ATP10A: variants seen among roughly 807,000 people sequenced by gnomAD.
ATP10A encodes the protein ATPase phospholipid transporting 10A (putative).
A neutral mutation model predicts 147.8 loss-of-function variants in ATP10A; 111 were observed. That is an observed-to-expected ratio of 0.75 (90% CI 0.64 to 0.88). ATP10A has a LOEUF of 0.88. Among genes scored for constraint, ATP10A ranks in the 40% least tolerant of loss-of-function variants. The pLI is 0.00. For missense variants in ATP10A, 1,927 were observed against 1,959.0 expected (o/e 0.98, Z 0.31); for synonymous variants, 875 against 841.6 (o/e 1.04, Z -0.69).
rs1485192854 is a variant in ATP10A, at chr15:25,680,391, A to C, written c.3679-83T>G. On this transcript the variant is annotated intron_variant, in intron 19 of 20. Transcript: ENST00000555815. ...CAATAACAAAAACGTGCCAGTCATCAATGAGCAGGTGTGAGGTTCTGAGGC... is the reference window on the plus strand; with the variant it reads ...CAATAACAAAAACGTGCCAGTCATCCATGAGCAGGTGTGAGGTTCTGAGGC... 2.1e-6 allele frequency: 3 copies of C among 1,425,036 alleles called. No homozygotes were observed. The East Asian group carries it at 7.0e-5, about 33-fold the overall frequency. The allele number at this position is 1,425,036 out of a possible 1,614,324, so 88.3% of individuals were successfully genotyped here. A position where few individuals can be genotyped will look rare whatever the true frequency, so the allele number is the denominator to read the frequency against.
chr15:25,749,356 CTG>C (rs954375172), intron 2 of ATP10A, among the ~76,000 whole-genome samples: 4 of 152,158 alleles, frequency 2.6e-5, no homozygotes, highest in Non-Finnish European at 5.9e-5. Flanking sequence ...ATAGAGGGAA[CTG>C]TGTTCTGTGT....
At chr15:25,807,152 C>A (rs985436965) in intron 1 of ATP10A, among the ~76,000 whole-genome samples, 1 of 152,244 alleles carries the variant, frequency 6.6e-6, no homozygotes, top group East Asian at 1.9e-4. Context: ...TCACTCTTTT[C>A]TCCCCTGGTG....
intron 3 of ATP10A, among the ~76,000 whole-genome samples, chr15:25,728,095 G>A (rs1012962469): frequency 7.9e-5 from 12 of 152,162 alleles, no homozygotes; most frequent in East Asian, 5.8e-4. Flanking sequence ...AGTGCCTTCC[G>A]AGAGGCTACC....
At chr15:25,864,664 G>A (rs1893913416), upstream of ATP10A, among the ~76,000 whole-genome samples, 3 of 152,206 alleles carry the variant, frequency 2.0e-5, no homozygotes, top group South Asian at 4.1e-4. Flanking sequence ...CTTTTGACAT[G>A]TAGAGGCCCA....
At chr15:25,789,342 G>A (rs556510485) in intron 1 of ATP10A, among the ~76,000 whole-genome samples, 1 of 152,240 alleles carries the variant, frequency 6.6e-6, no homozygotes, top group South Asian at 2.1e-4. Context: ...CCCAAGTGAG[G>A]TCAGCCTGGG....
At chr15:25,785,508 A>G (rs1386683944) in intron 1 of ATP10A, among the ~76,000 whole-genome samples, 3 of 152,178 alleles carry the variant, frequency 2.0e-5, no homozygotes, top group African/African-American at 7.2e-5. Flanking sequence ...GAATACACTT[A>G]ATAACGTCCA....
chr15:25,776,237 C>T (rs1889598833), intron 2 of ATP10A, among the ~76,000 whole-genome samples: 1 of 152,086 alleles, frequency 6.6e-6, no homozygotes, highest in Non-Finnish European at 1.5e-5. Context: ...ACGTATGCAC[C>T]TTCGTGGCAG....
intron 4 of ATP10A, among the ~76,000 whole-genome samples, chr15:25,726,860 G>A (rs1902591444): frequency 6.7e-6 from 1 of 150,192 alleles, no homozygotes; most frequent in Non-Finnish European, 1.5e-5. Context: ...GACTATCCTG[G>A]CTAATACGGT....
At chr15:25,785,787 T>A (rs1890130851) in intron 1 of ATP10A, among the ~76,000 whole-genome samples, 1 of 152,158 alleles carries the variant, frequency 6.6e-6, no homozygotes, top group South Asian at 2.1e-4. Context: ...GCTGTGCTGC[T>A]GAAGAGGACA....
intron 4 of ATP10A, 139 bp downstream of exon 4, chr15:25,727,021 C>T (rs991548013): frequency 1.7e-6 from 1 of 600,276 alleles, no homozygotes; most frequent in Non-Finnish European, 2.9e-6. Flanking sequence ...CGCGCCACTG[C>T]ACTCCAGCCT....
intron 2 of ATP10A, among the ~76,000 whole-genome samples, chr15:25,768,491 C>A (rs1027510056): frequency 4.0e-5 from 6 of 150,452 alleles, no homozygotes; most frequent in African/African-American, 9.7e-5. Flanking sequence ...GTCCAGGTCC[C>A]GCCTTGTGTT....
chr15:25,755,444 T>C (rs1448574042), intron 2 of ATP10A, among the ~76,000 whole-genome samples: 1 of 152,162 alleles, frequency 6.6e-6, no homozygotes, highest in African/African-American at 2.4e-5. Context: ...CAAATGAGCT[T>C]TTGAAAGCCA....
At chr15:25,739,106 G>A (rs1409673141) in intron 2 of ATP10A, among the ~76,000 whole-genome samples, 1 of 152,186 alleles carries the variant, frequency 6.6e-6, no homozygotes, top group East Asian at 1.9e-4. Flanking sequence ...TTCTGCTCCT[G>A]TCATCCAGGC....
chr15:25,702,067 C>G lies in ATP10A; in HGVS notation c.2609G>C (p.Gly870Ala). The change falls in exon 13 of 21, where the codon GGA becomes GCA. Residue 870 changes from glycine to alanine, a missense_variant. Transcript: ENST00000555815. ...ATGIEDRLQD[G>A]VPETISKLRQ... is the part of the protein sequence containing the mutation. ...CAATTTAGAAATAGTTTCAGGGACT[C>G]CGTCCTGCAGGCGGTCTTCAATCCC... 6.2e-7 allele frequency: 1 copy of G among 1,613,880 alleles called. No homozygotes were observed. Among genetic ancestry groups the G allele is most frequent in the South Asian group, 1.1e-5 (1 of 91,030 alleles).
intron 1 of ATP10A, among the ~76,000 whole-genome samples, chr15:25,846,401 G>C (rs941726458): frequency 6.6e-6 from 1 of 152,190 alleles, no homozygotes; most frequent in Non-Finnish European, 1.5e-5. Context: ...TGTGCCAGTG[G>C]AGCACAGCTC....
chr15:25,727,338 G>C, intron 3 of ATP10A, 72 bp from the exon 4 acceptor site: 1 of 1,267,470 alleles, frequency 7.9e-7, no homozygotes, highest in Non-Finnish European at 1.2e-6. Context: ...GCAATGCCTT[G>C]AGGAAGGAAG....
chr15:25,703,309 C>T (rs1378802317), intron 12 of ATP10A, among the ~76,000 whole-genome samples: 1 of 152,148 alleles, frequency 6.6e-6, no homozygotes, highest in Non-Finnish European at 1.5e-5. Flanking sequence ...GAGCTGAGAT[C>T]ATGCCACTGC....
chr15:25,738,371 G>T (rs1359045002), intron 2 of ATP10A: 1 of 152,360 alleles, frequency 6.6e-6, no homozygotes, highest in African/African-American at 2.4e-5. Context: ...TAGGGAAGAG[G>T]AAGCAGTTCT....
intron 6 of ATP10A, 74 bp from the exon 7 acceptor site, chr15:25,721,983 A>T: frequency 1.4e-6 from 2 of 1,479,482 alleles, no homozygotes; most frequent in Non-Finnish European, 1.8e-6. Flanking sequence ...AATCTATTTA[A>T]ATAACAAATG....
Sources: allele counts gnomAD v4.1 joint callset (sites outside exome capture counted in the v4.1 genomes callset), GRCh38; gene constraint gnomAD v4.1.1; transcripts MANE v1.5; gene names NCBI Gene and HGNC (gene_info 2026-07-23, HGNC 2026-07-21).